Variants in RIMBP2 observed in about 807,000 individuals in gnomAD.
RIMBP2 encodes RIMS binding protein 2.
RIMBP2 carries 48 observed loss-of-function variants against 118.6 expected under a neutral mutation model. The ratio of observed to expected loss-of-function variants is 0.40; its 90% CI spans 0.32 to 0.51. The LOEUF (loss-of-function observed/expected upper bound fraction) is 0.51. Ranked by LOEUF, RIMBP2 falls within the 20% of genes least tolerant of loss-of-function variation. The pLI is 0.41. For synonymous variants in RIMBP2, 762 were observed against 742.9 expected (o/e 1.03, Z -0.42); for missense variants, 1,551 against 1,768.3 (o/e 0.88, Z 2.20).
At position 130,688,550 on chromosome 12, in the gene RIMBP2, C is replaced by A. The variant is rs960361270; in HGVS notation, c.-352+27672G>T. Reference sequence around the variant, plus strand: ...CAAGCATGAGTCGTCTTCACCCCTCCATCCGTTACCCCCTGTCAGTTACCC... The same window carrying A: ...CAAGCATGAGTCGTCTTCACCCCTCAATCCGTTACCCCCTGTCAGTTACCC... On this transcript the variant is annotated intron_variant, in intron 1 of 22. Coordinates refer to ENST00000690449, the MANE Select transcript of RIMBP2 (RefSeq NM_001393629.1). The surrounding 1 kb of genome is among the most constrained non-coding windows in gnomAD (Gnocchi z 4.7). Among the ~76,000 whole-genome samples, 2 of 151,918 alleles carry A rather than the reference C, an allele frequency of 1.3e-5. No individual in the cohort carries two copies. Among genetic ancestry groups the A allele is most frequent in the African/African-American group, 2.4e-5 (1 of 41,282 alleles).
intron 2 of RIMBP2, among the ~76,000 whole-genome samples, chr12:130,607,600 C>T (rs1343605452): frequency 2.0e-5 from 3 of 151,916 alleles, no homozygotes; most frequent in African/African-American, 4.8e-5. Flanking sequence ...AAACCACTGC[C>T]TCCTTAAGTC....
At chr12:130,690,722 A>T (rs2065271948) in intron 1 of RIMBP2, among the ~76,000 whole-genome samples, 1 of 152,108 alleles carries the variant, frequency 6.6e-6, no homozygotes. Context: ...GAAGCTCCAA[A>T]CACCGAGGAA....
chr12:130,659,250 C>A (rs776117219), intron 1 of RIMBP2, among the ~76,000 whole-genome samples: 15 of 152,178 alleles, frequency 9.9e-5, no homozygotes, highest in Non-Finnish European at 1.6e-4. Flanking sequence ...CGAAATATTA[C>A]CATTTCAACA....
chr12:130,694,230 C>T (rs1165914461), intron 1 of RIMBP2, among the ~76,000 whole-genome samples: 1 of 152,186 alleles, frequency 6.6e-6, no homozygotes, highest in African/African-American at 2.4e-5. Flanking sequence ...GAGGAGGAGT[C>T]ACTGCAAGGC....
At chr12:130,665,290 C>T (rs572576179) in intron 1 of RIMBP2, among the ~76,000 whole-genome samples, 7 of 151,564 alleles carry the variant, frequency 4.6e-5, no homozygotes, top group Admixed American at 2.6e-4. Flanking sequence ...TTTGGGAGGC[C>T]GAGGTGGGTG....
At chr12:130,397,777 C>T (rs1444297902) in intron 22 of RIMBP2, 11 of 344,016 alleles carry the variant, frequency 3.2e-5, no homozygotes, top group African/African-American at 6.3e-5. Context: ...CGAGGGAGTG[C>T]GGGGTGGCCG....
chr12:130,646,783 T>C (rs1172417354), intron 1 of RIMBP2, among the ~76,000 whole-genome samples: 1 of 152,228 alleles, frequency 6.6e-6, no homozygotes, highest in Non-Finnish European at 1.5e-5. Flanking sequence ...TTATTGCAGG[T>C]CGCACAACTC....
At chr12:130,705,738 G>GTC (rs1566471527) in intron 1 of RIMBP2, among the ~76,000 whole-genome samples, 1 of 152,236 alleles carries the variant, frequency 6.6e-6, no homozygotes, top group African/African-American at 2.4e-5. Flanking sequence ...CTGCAAAAAC[G>GTC]TCCCAACACA....
intron 1 of RIMBP2, among the ~76,000 whole-genome samples, chr12:130,653,272 A>G (rs2063300088): frequency 6.6e-6 from 1 of 152,202 alleles, no homozygotes; most frequent in Non-Finnish European, 1.5e-5. Flanking sequence ...GCGTTGGGTA[A>G]AGATTCCCAT....
At chr12:130,629,614 TCCACCTGTGGATAC>T (rs1426605856) in intron 1 of RIMBP2, among the ~76,000 whole-genome samples, 5 of 152,090 alleles carry the variant, frequency 3.3e-5, no homozygotes, top group African/African-American at 1.2e-4. Context: ...AATTAGACAG[TCCACCTGTGGATAC>T]CCCTCCCCAG....
intron 7 of RIMBP2, among the ~76,000 whole-genome samples, chr12:130,455,155 C>T (rs1382026297): frequency 6.6e-6 from 1 of 152,216 alleles, no homozygotes; most frequent in Non-Finnish European, 1.5e-5. Flanking sequence ...TGGCCCTTCA[C>T]GGGAGGGAGA....
At chr12:130,474,929 GCTCCGTAAACGT>G (rs1258726054) in intron 5 of RIMBP2, among the ~76,000 whole-genome samples, 3 of 152,190 alleles carry the variant, frequency 2.0e-5, no homozygotes, top group Non-Finnish European at 2.9e-5. Flanking sequence ...GACATGAGAC[GCTCCGTAAACGT>G]CTGTTGAGTG....
chr12:130,616,732 T>G (rs2060963483), intron 2 of RIMBP2, among the ~76,000 whole-genome samples: 1 of 152,016 alleles, frequency 6.6e-6, no homozygotes, highest in South Asian at 2.1e-4. Flanking sequence ...CAAGATGGGG[T>G]CAGCACAGTG....
chr12:130,528,390 AATG>A (rs2139275374), intron 2 of RIMBP2, among the ~76,000 whole-genome samples: 1 of 152,348 alleles, frequency 6.6e-6, no homozygotes, highest in East Asian at 1.9e-4. Context: ...GTGGGAGCTG[AATG>A]ATGAGAAGAG....
intron 2 of RIMBP2, among the ~76,000 whole-genome samples, chr12:130,584,059 A>T (rs1170106416): frequency 6.6e-6 from 1 of 150,466 alleles, no homozygotes; most frequent in Non-Finnish European, 1.5e-5. Flanking sequence ...CATCATCACC[A>T]TGACCATCAC....
chr12:130,425,463 CCG>C (rs2076723288), intron 15 of RIMBP2: 1 of 152,504 alleles, frequency 6.6e-6, no homozygotes. Context: ...CCAACAGCGC[CCG>C]CACACCATCG....
chr12:130,536,140 A>G (rs923525603), intron 2 of RIMBP2, among the ~76,000 whole-genome samples: 6 of 152,166 alleles, frequency 3.9e-5, no homozygotes, highest in Non-Finnish European at 8.8e-5. Context: ...AGGAGACAAA[A>G]GGCATTTAAG....
intron 11 of RIMBP2, among the ~76,000 whole-genome samples, chr12:130,439,701 CTGTGGGGG>C: frequency 2.3e-5 from 1 of 42,964 alleles, no homozygotes; most frequent in Admixed American, 3.7e-4. Flanking sequence ...GTACGTGGGT[CTGTGGGGG>C]TGTCGGTGGG....
chr12:130,408,842 G>A (rs553103132), intron 19 of RIMBP2, among the ~76,000 whole-genome samples: 17 of 152,308 alleles, frequency 1.1e-4, no homozygotes, highest in African/African-American at 3.4e-4. Context: ...TAAAGTCAGC[G>A]ATGTGGCTTT....
Sources: gnomAD v4.1 joint callset for allele counts (sites outside exome capture counted in the v4.1 genomes callset) on GRCh38, gnomAD v4.1.1 for gene constraint, Gnocchi (gnomAD v3.1) non-coding constraint, MANE v1.5 for transcripts, NCBI Gene and HGNC (gene_info 2026-07-23, HGNC 2026-07-21) for gene names.